RIN2: variants seen among roughly 807,000 people sequenced by gnomAD.
RIN2 encodes Ras and Rab interactor 2.
Under a neutral mutation model 78.0 loss-of-function variants are expected in RIN2, and 36 were observed. That is an observed-to-expected ratio of 0.46 (90% CI 0.35 to 0.61). The LOEUF is 0.61. Ranked by LOEUF, RIN2 falls within the 20% of genes least tolerant of loss-of-function variation. The pLI, the probability that RIN2 is intolerant of heterozygous loss-of-function variation, is 0.00. For synonymous variants in RIN2, 466 were observed against 466.8 expected (o/e 1.00, Z 0.02); for missense variants, 1,087 against 1,159.7 (o/e 0.94, Z 0.91).
Position 19,851,192 on chromosome 20 carries a change from T to G in RIN2, c.-36-38374T>G, listed in dbSNP as rs145564930. Among the ~76,000 whole-genome samples the G allele has an allele frequency of 4.7e-3, 722 of 152,088 alleles. 9 individuals are homozygous for G. Among genetic ancestry groups the G allele is most frequent in the East Asian group, 0.045 (234 of 5,172 alleles). ...TGCTGGGTGCTGGGAACTGGGGTGA[T>G]GGAGGGGGTCAGTGGCAAAGAGAAA... On this transcript the variant is annotated intron_variant, in intron 2 of 12. Transcript: ENST00000255006.
intron 4 of RIN2, among the ~76,000 whole-genome samples, chr20:19,944,728 C>A (rs1252300126): frequency 6.6e-6 from 1 of 151,572 alleles, no homozygotes; most frequent in African/African-American, 2.4e-5. Context: ...TTGAGGATGG[C>A]AATACCAGAG....
chr20:19,977,092 C>G (rs1054893009), intron 9 of RIN2, among the ~76,000 whole-genome samples: 3 of 152,156 alleles, frequency 2.0e-5, no homozygotes, highest in Admixed American at 2.0e-4. Flanking sequence ...GCCTTTTTCC[C>G]CATCCCACCA....
chr20:19,786,553 A>G (rs1447804113), intron 1 of RIN2, among the ~76,000 whole-genome samples: 3 of 152,230 alleles, frequency 2.0e-5, no homozygotes, highest in Non-Finnish European at 2.9e-5. Flanking sequence ...ACTCTGAGCC[A>G]GAACAACCCA....
chr20:19,999,457 C>T (rs926345111), intron 12 of RIN2, among the ~76,000 whole-genome samples: 3 of 152,184 alleles, frequency 2.0e-5, no homozygotes, highest in Non-Finnish European at 4.4e-5. Flanking sequence ...CCAGGAAACC[C>T]TCGTGGTGAC....
chr20:19,858,072 G>T (rs1377645302), intron 2 of RIN2, among the ~76,000 whole-genome samples: 1 of 151,836 alleles, frequency 6.6e-6, no homozygotes, highest in African/African-American at 2.4e-5. Flanking sequence ...TTGAACAAAA[G>T]CATTTAACTT....
intron 3 of RIN2, among the ~76,000 whole-genome samples, chr20:19,920,952 C>T (rs1480522325): frequency 2.0e-5 from 3 of 152,118 alleles, no homozygotes; most frequent in Admixed American, 1.3e-4. Context: ...GGATTAGAGG[C>T]GTGAGCCGCC....
intron 2 of RIN2, among the ~76,000 whole-genome samples, chr20:19,857,537 TTAG>T (rs2037205705): frequency 6.6e-6 from 1 of 152,190 alleles, no homozygotes; most frequent in African/African-American, 2.4e-5. Flanking sequence ...AGCATAGATA[TTAG>T]TAGATTATTC....
At chr20:19,850,387 A>G (rs1198500067) in intron 2 of RIN2, among the ~76,000 whole-genome samples, 1 of 152,192 alleles carries the variant, frequency 6.6e-6, no homozygotes, top group Admixed American at 6.5e-5. Context: ...ATCTGTCAGG[A>G]GAAATGTTAC....
intron 5 of RIN2, among the ~76,000 whole-genome samples, chr20:19,958,228 G>A (rs2041618836): frequency 6.6e-6 from 1 of 152,250 alleles, no homozygotes; most frequent in Admixed American, 6.5e-5. Flanking sequence ...TCTTTGCAGA[G>A]AATCCCTTGG....
chr20:19,799,476 G>A (rs1037440689), intron 1 of RIN2, 146 bp from the exon 2 acceptor site: 4 of 152,184 alleles, frequency 2.6e-5, no homozygotes, highest in Admixed American at 2.0e-4. Context: ...TGGAGGACCA[G>A]GAATGGGAAG....
intron 2 of RIN2, among the ~76,000 whole-genome samples, chr20:19,808,119 AC>A (rs2035465715): frequency 6.6e-6 from 1 of 152,224 alleles, no homozygotes; most frequent in African/African-American, 2.4e-5. Context: ...AAGCAAATGA[AC>A]CCAGACGTTG....
At chr20:19,844,273 G>T (rs1479039256) in intron 2 of RIN2, among the ~76,000 whole-genome samples, 2 of 152,116 alleles carry the variant, frequency 1.3e-5, no homozygotes, top group Non-Finnish European at 2.9e-5. Flanking sequence ...CTTTGAATCT[G>T]GGACCAACTA....
At chr20:19,781,274 G>A (rs907438896) in intron 1 of RIN2, among the ~76,000 whole-genome samples, 1 of 152,214 alleles carries the variant, frequency 6.6e-6, no homozygotes, top group African/African-American at 2.4e-5. Context: ...CACGTGGATG[G>A]ATGCTCAGTG....
upstream of RIN2, chr20:19,757,792 T>G (rs1340199492): frequency 6.6e-6 from 1 of 152,326 alleles, no homozygotes; most frequent in Admixed American, 6.5e-5. Context: ...AGAACAAAAC[T>G]CTGGTCCTCG....
intron 2 of RIN2, among the ~76,000 whole-genome samples, chr20:19,810,709 T>TTTTTTTTTG (rs2035565133): frequency 7.9e-6 from 1 of 127,356 alleles, no homozygotes; most frequent in African/African-American, 3.7e-5. Flanking sequence ...TTTTTTTTTT[T>TTTTTTTTTG]GAGACGGAGT....
chr20:19,844,657 CTT>C lies in RIN2; in HGVS notation c.-36-44908_-36-44907del, dbSNP rs1409308142. Among the ~76,000 whole-genome samples the C allele has an allele frequency of 2.2e-3, 295 of 135,214 alleles. 7 individuals are homozygous for C. The highest frequency in any genetic ancestry group is 4.9e-3 in the East Asian group (22 of 4,486). 88.7% of individuals were successfully genotyped at this position (135,214 alleles called of 152,430 possible). On this transcript the variant is annotated intron_variant, in intron 2 of 12. Coordinates refer to ENST00000255006, the MANE Select transcript of RIN2 (RefSeq NM_018993.4). ...TCTTCTTCTTCTTCTTCTTCTTCTT[CTT>C]CTTCTTCTTCCTTCTTCTTCTTCTT...
At position 19,920,571 on chromosome 20, in the gene RIN2, G is replaced by A. The variant is rs79087000; in HGVS notation, c.58-14528G>A. 9.2e-3 allele frequency among the ~76,000 whole-genome samples: 1,408 copies of A among 152,306 alleles called. 21 individuals carry two copies. The highest frequency in any genetic ancestry group is 0.038 in the East Asian group (198 of 5,180). On this transcript the variant is annotated intron_variant, in intron 3 of 12. Coordinates refer to ENST00000255006, the MANE Select transcript of RIN2 (RefSeq NM_018993.4). ...ACACATTGAACTGCAGATACTACAC[G>A]CACCTTTTACAACTTATTTTTCTTT...
chr20:19,872,873 T>C (rs2037732196), intron 2 of RIN2, among the ~76,000 whole-genome samples: 1 of 152,152 alleles, frequency 6.6e-6, no homozygotes, highest in East Asian at 1.9e-4. Context: ...GTGATGGATA[T>C]AGCAGAAGCC....
intron 2 of RIN2, among the ~76,000 whole-genome samples, chr20:19,802,133 C>T (rs566522333): frequency 6.6e-6 from 1 of 152,184 alleles, no homozygotes; most frequent in Non-Finnish European, 1.5e-5. Context: ...TTAATCATCA[C>T]GACAGCCCTA....
Sources: allele counts gnomAD v4.1 joint callset (sites outside exome capture counted in the v4.1 genomes callset), GRCh38; gene constraint gnomAD v4.1.1; transcripts MANE v1.5; gene names NCBI Gene and HGNC (gene_info 2026-07-23, HGNC 2026-07-21).